Variants in IQCB1 observed in about 807,000 individuals in gnomAD.
The protein encoded by IQCB1 is IQ calmodulin-binding motif-containing protein 1.
IQCB1 carries 56 observed loss-of-function variants against 84.4 expected under a neutral mutation model. That is an observed-to-expected ratio of 0.66 (90% CI 0.54 to 0.83). IQCB1 has a LOEUF of 0.83. Ranked by LOEUF, IQCB1 falls within the 40% of genes least tolerant of loss-of-function variation. IQCB1 has a pLI of 0.00. For missense variants in IQCB1, 629 were observed against 682.1 expected (o/e 0.92, Z 0.87); for synonymous variants, 210 against 234.8 (o/e 0.89, Z 0.96).
At chr3:121,783,348 G>C (rs1948581880) in intron 12 of IQCB1, among the ~76,000 whole-genome samples, 1 of 151,686 alleles carries the variant, frequency 6.6e-6, no homozygotes, top group Non-Finnish European at 1.5e-5. Context: ...TTGTATGAAA[G>C]GTATGAATTT....
In IQCB1 at chr3:121,799,221, T is replaced by G. The variant is rs1186932625; in HGVS notation, c.741A>C (p.Leu247Phe). 1 of 1,610,024 alleles carries G rather than the reference T, an allele frequency of 6.2e-7. No individual in the cohort carries two copies. The highest frequency in any genetic ancestry group is 8.5e-7 in the Non-Finnish European group (1 of 1,177,766). The stretch of plus-strand genomic sequence containing the variant: ...CTTTGTAGCAGGTACTTTGTCTCAG[T>G]AAAATCAAAATTTCCTGATGGGATT... ...MAESHQEILI[L>F]LRQSTCYKGL... Residue 247 changes from leucine (L) to phenylalanine (F), a missense_variant, in exon 8 of 15, where the codon TTA becomes TTC. Leu to Phe is a conservative substitution (Grantham distance 22, BLOSUM62 0). Coordinates refer to ENST00000310864, the MANE Select transcript of IQCB1 (RefSeq NM_001023570.4).
At chr3:121,828,675 C>T in intron 3 of IQCB1, 43 bp from the exon 4 acceptor site, 1 of 1,356,760 alleles carries the variant, frequency 7.4e-7, no homozygotes, top group Non-Finnish European at 1.0e-6. Context: ...TTGCTTAATA[C>T]ATCCAGGAGC....
chr3:121,786,216 G>GAAAAGAAAAGT (rs1948733285), intron 12 of IQCB1, among the ~76,000 whole-genome samples: 1 of 51,894 alleles, frequency 1.9e-5, no homozygotes, highest in Non-Finnish European at 4.3e-5. Context: ...AAAAGAAAAG[G>GAAAAGAAAAGT]ATGCTTTAAA....
intron 5 of IQCB1, among the ~76,000 whole-genome samples, chr3:121,818,620 A>C (rs1303228169): frequency 6.6e-6 from 1 of 152,220 alleles, no homozygotes; most frequent in East Asian, 1.9e-4. Flanking sequence ...TAGGAAAAAC[A>C]AACAAGAAAA....
intron 11 of IQCB1, 148 bp from the exon 12 acceptor site, chr3:121,788,580 G>T: frequency 1.3e-6 from 1 of 793,512 alleles, no homozygotes; most frequent in South Asian, 1.7e-5. Flanking sequence ...ATTTTACCAT[G>T]GTTCTAAGAT....
At chr3:121,827,808 A>G (rs1002854041) in intron 4 of IQCB1, among the ~76,000 whole-genome samples, 1 of 152,148 alleles carries the variant, frequency 6.6e-6, no homozygotes, top group Non-Finnish European at 1.5e-5. Context: ...GCTAGGATCC[A>G]GTTAGTAAAT....
At chr3:121,801,810 C>CTTT (rs5852277) in intron 7 of IQCB1, among the ~76,000 whole-genome samples, 9,638 of 89,714 alleles carry the variant, frequency 0.11, 773 homozygotes, top group African/African-American at 0.15. Context: ...GCTGCAAGGC[C>CTTT]TTTTTTTTTT....
chr3:121,819,859 T>C (rs1017323549), intron 5 of IQCB1, among the ~76,000 whole-genome samples: 1 of 152,102 alleles, frequency 6.6e-6, no homozygotes, highest in Non-Finnish European at 1.5e-5. Context: ...AACAATATAT[T>C]TTATATTAGC....
intron 5 of IQCB1, among the ~76,000 whole-genome samples, chr3:121,819,385 C>T (rs542078550): frequency 2.0e-4 from 31 of 152,178 alleles, no homozygotes; most frequent in Non-Finnish European, 2.8e-4. Context: ...AGAGCTCAGG[C>T]GGTAATGTGA....
At chr3:121,779,148 A>T (rs1948372355) in intron 13 of IQCB1, among the ~76,000 whole-genome samples, 1 of 151,996 alleles carries the variant, frequency 6.6e-6, no homozygotes, top group Admixed American at 6.5e-5. Context: ...TGATTATGAT[A>T]TTCCTTGGCA....
chr3:121,783,391 T>C (rs992769110), intron 12 of IQCB1, among the ~76,000 whole-genome samples: 2 of 152,198 alleles, frequency 1.3e-5, no homozygotes, highest in African/African-American at 4.8e-5. Flanking sequence ...TCCCCATCCA[T>C]CCTATATTAT....
chr3:121,772,454 G>T, intron 14 of IQCB1, 103 bp downstream of exon 14: 1 of 1,135,360 alleles, frequency 8.8e-7, no homozygotes. Context: ...GTTAGGGGAT[G>T]AGCTAAAGAT....
At chr3:121,785,755 A>G (rs1479411768) in intron 12 of IQCB1, among the ~76,000 whole-genome samples, 2 of 152,170 alleles carry the variant, frequency 1.3e-5, no homozygotes, top group African/African-American at 2.4e-5. Context: ...TCTGGTGGGT[A>G]TTTTACACTT....
intron 10 of IQCB1, among the ~76,000 whole-genome samples, chr3:121,792,904 A>G (rs1306824593): frequency 6.6e-6 from 1 of 152,216 alleles, no homozygotes; most frequent in African/African-American, 2.4e-5. Flanking sequence ...CTTTGTAAGA[A>G]TTAGTAGGCA....
At chr3:121,832,327 A>T (rs1185314776) in intron 2 of IQCB1, among the ~76,000 whole-genome samples, 7 of 135,632 alleles carry the variant, frequency 5.2e-5, no homozygotes, top group African/African-American at 8.3e-5. Context: ...TAATTTTACA[A>T]TTTTTTTTTT....
rs189274776 is a variant in IQCB1, at chr3:121,811,369, C to T, written c.394-2360G>A. Among the ~76,000 whole-genome samples, 15 of 152,254 alleles carry T rather than the reference C, an allele frequency of 9.9e-5. No homozygotes were observed. The Middle Eastern group carries it at 0.01, about 104-fold the overall frequency. On this transcript the variant is annotated intron_variant, in intron 5 of 14. Transcript: ENST00000310864. ...TTGGGCAGACACTGAGCTAGCTGCA[C>T]GAGTTTCTTTTTGTACCTCAGTGGT... is the stretch of plus-strand genomic sequence containing the variant.
intron 5 of IQCB1, among the ~76,000 whole-genome samples, chr3:121,809,239 T>G (rs775142042): frequency 2.6e-5 from 4 of 151,880 alleles, no homozygotes. Flanking sequence ...TAAAACAACA[T>G]AAGTAGTGTA....
chr3:121,785,810 A>T (rs772627517), intron 12 of IQCB1, among the ~76,000 whole-genome samples: 7 of 152,132 alleles, frequency 4.6e-5, no homozygotes, highest in Non-Finnish European at 1.0e-4. Context: ...AGTTCTCCAT[A>T]GCCAGCTACG....
At chr3:121,790,768 C>T (rs529181990) in intron 10 of IQCB1, among the ~76,000 whole-genome samples, 2 of 141,546 alleles carry the variant, frequency 1.4e-5, no homozygotes, top group Admixed American at 7.4e-5. Context: ...TGTCAAAAAA[C>T]TTACATTTAC....
Sources: gnomAD v4.1 joint callset for allele counts (sites outside exome capture counted in the v4.1 genomes callset) on GRCh38, gnomAD v4.1.1 for gene constraint, MANE v1.5 for transcripts, NCBI Gene and HGNC (gene_info 2026-07-23, HGNC 2026-07-21) for gene names.